The following MALRD1 variants were observed in gnomAD, a reference collection of about 807,000 sequenced individuals.
MALRD1 encodes MAM and LDL-receptor class A domain-containing protein 1.
A neutral mutation model predicts 242.1 loss-of-function variants in MALRD1; 247 were observed. The ratio of observed to expected loss-of-function variants is 1.02; its 90% CI spans 0.92 to 1.13. The LOEUF (loss-of-function observed/expected upper bound fraction) is 1.13, where lower values mean the gene tolerates loss of function less well. MALRD1 is among the 50% of genes most tolerant of loss of function. The probability of loss-of-function intolerance (pLI) is 0.00; values close to 1 mark genes in which losing one functional copy is unlikely to be tolerated. For synonymous variants in MALRD1, 995 were observed against 866.6 expected, an observed-to-expected ratio of 1.15 and a Z score of -2.60; for missense variants, 2,989 against 2,533.1, an observed-to-expected ratio of 1.18 and a Z score of -3.86.
chr10:19,681,881 CAG>C (rs1240889135), intron 36 of MALRD1, among the ~76,000 whole-genome samples: 2 of 128,294 alleles, frequency 1.6e-5, no homozygotes, highest in African/African-American at 6.0e-5. Flanking sequence ...TTTTTTGAGA[CAG>C]AGTCTTGCTG....
chr10:19,273,352 A>G (rs995462563), intron 19 of MALRD1, among the ~76,000 whole-genome samples: 1 of 152,222 alleles, frequency 6.6e-6, no homozygotes, highest in African/African-American at 2.4e-5. Context: ...AGAATTAAAC[A>G]TAGTCTTACC....
At chr10:19,177,895 T>G (rs977446155) in intron 14 of MALRD1, among the ~76,000 whole-genome samples, 2 of 152,090 alleles carry the variant, frequency 1.3e-5, no homozygotes, top group Non-Finnish European at 1.5e-5. Context: ...GAGGATCTTG[T>G]GACCTAATTT....
At chr10:19,230,782 A>G (rs1838019052) in intron 18 of MALRD1, among the ~76,000 whole-genome samples, 1 of 152,210 alleles carries the variant, frequency 6.6e-6, no homozygotes, top group African/African-American at 2.4e-5. Context: ...GGTTCTTAAA[A>G]GCAAATAAAC....
At chr10:19,638,069 GTA>G (rs1840220884) in intron 36 of MALRD1, among the ~76,000 whole-genome samples, 1 of 121,928 alleles carries the variant, frequency 8.2e-6, no homozygotes, top group Non-Finnish European at 1.6e-5. Context: ...CCACTGCACT[GTA>G]GCCTGGGCAA....
rs138580002 is a variant in MALRD1, at chr10:19,188,035, A to G, written c.1951+12707A>G. 1.5e-4 allele frequency among the ~76,000 whole-genome samples: 23 copies of G among 152,342 alleles called. No individual in the cohort carries two copies. In the East Asian group the frequency reaches 4.2e-3, roughly 28 times the overall value. On this transcript the variant is annotated intron_variant, in intron 14 of 39. Coordinates refer to ENST00000454679, the MANE Select transcript of MALRD1 (RefSeq NM_001142308.3). ...GAATCCTGTCATTCACAGTTTTTAA[A>G]TTATGTGCATCCAAGGTTGAGGACC... is the stretch of plus-strand genomic sequence containing the variant.
At chr10:19,248,369 A>C (rs1839155618) in intron 18 of MALRD1, among the ~76,000 whole-genome samples, 1 of 150,866 alleles carries the variant, frequency 6.6e-6, no homozygotes, top group Admixed American at 6.8e-5. Flanking sequence ...AGTCAGTTAC[A>C]TAATGAATAT....
At chr10:19,508,675 A>G (rs1042033078) in intron 31 of MALRD1, among the ~76,000 whole-genome samples, 5 of 152,246 alleles carry the variant, frequency 3.3e-5, no homozygotes, top group Non-Finnish European at 7.3e-5. Context: ...TATATTGATT[A>G]TATGTTGAAA....
chr10:19,590,425 A>G (rs1837711446), intron 33 of MALRD1, among the ~76,000 whole-genome samples: 1 of 149,232 alleles, frequency 6.7e-6, no homozygotes, highest in Non-Finnish European at 1.5e-5. Context: ...GTGGTTAGAT[A>G]TCTATCTATA....
At chr10:19,151,317 AG>A (rs1833936627) in intron 11 of MALRD1, among the ~76,000 whole-genome samples, 2 of 152,100 alleles carry the variant, frequency 1.3e-5, no homozygotes, top group Non-Finnish European at 2.9e-5. Flanking sequence ...TTACTTTTAA[AG>A]AACTTCTGAT....
At chr10:19,052,814 C>G (rs1834549115) in intron 1 of MALRD1, among the ~76,000 whole-genome samples, 1 of 152,160 alleles carries the variant, frequency 6.6e-6, no homozygotes, top group Admixed American at 6.5e-5. Context: ...CCCTCTACTC[C>G]CCTCTGAGAT....
At chr10:19,544,107 T>C (rs181586436) in intron 32 of MALRD1, among the ~76,000 whole-genome samples, 1 of 151,376 alleles carries the variant, frequency 6.6e-6, no homozygotes, top group Admixed American at 6.5e-5. Context: ...TTCATTGTCA[T>C]ATAGATCTTT....
At chr10:19,280,891 C>A (rs540278719) in intron 20 of MALRD1, among the ~76,000 whole-genome samples, 1 of 152,294 alleles carries the variant, frequency 6.6e-6, no homozygotes, top group South Asian at 2.1e-4. Flanking sequence ...TTTGAAATAT[C>A]TTTCCCTTCC....
rs1554833681 is a variant in MALRD1, at chr10:19,329,412, A to AT, written c.3687+1739_3687+1740insT. ...GGAAGCTTGTATAATTTTATTTGGG[A>AT]CCCCCCCCCAATTTAAACAAAATAT... On this transcript the variant is annotated intron_variant, in intron 23 of 39. Coordinates refer to ENST00000454679, the MANE Select transcript of MALRD1 (RefSeq NM_001142308.3). Among the ~76,000 whole-genome samples the AT allele has an allele frequency of 4.6e-3, 412 of 89,330 alleles. 2 individuals carry two copies. The highest frequency in any genetic ancestry group is 7.3e-3 in the Non-Finnish European group (307 of 42,160). 58.6% of individuals were successfully genotyped at this position (89,330 alleles called of 152,430 possible).
intron 24 of MALRD1, among the ~76,000 whole-genome samples, chr10:19,333,854 T>C (rs1371995732): frequency 6.6e-6 from 1 of 152,148 alleles, no homozygotes; most frequent in African/African-American, 2.4e-5. Flanking sequence ...TAGTGTAAGA[T>C]GGTATCTCAC....
chr10:19,396,015 A>G (rs1229876767), intron 28 of MALRD1, among the ~76,000 whole-genome samples: 1 of 152,144 alleles, frequency 6.6e-6, no homozygotes, highest in Non-Finnish European at 1.5e-5. Context: ...GCTCTAAAGA[A>G]TGACATTATC....
chr10:19,146,189 G>C lies in MALRD1; in HGVS notation c.1412-9G>C. Reference sequence around the variant, plus strand: ...TCTCCTCACCTGTTTTCTCTTCTACGTGTAACAGCAAAGCATCTCACCTGT... The same window carrying C: ...TCTCCTCACCTGTTTTCTCTTCTACCTGTAACAGCAAAGCATCTCACCTGT... On this transcript the variant is annotated splice_polypyrimidine_tract_variant and intron_variant, in intron 10 of 39. Coordinates refer to ENST00000454679, the MANE Select transcript of MALRD1 (RefSeq NM_001142308.3). The C allele has an allele frequency of 3.2e-6, 4 of 1,231,464 alleles. No individual in the cohort carries two copies. Among genetic ancestry groups the C allele is most frequent in the Middle Eastern group, 3.1e-4 (1 of 3,210 alleles). 76.3% of individuals were successfully genotyped at this position (1,231,464 alleles called of 1,614,324 possible).
intron 29 of MALRD1, among the ~76,000 whole-genome samples, chr10:19,467,914 C>G (rs1194375723): frequency 6.6e-6 from 1 of 152,010 alleles, no homozygotes; most frequent in African/African-American, 2.4e-5. Flanking sequence ...CTGCTTCAGC[C>G]TCCCGAGCAG....
chr10:19,467,548 G>T (rs12259974), intron 29 of MALRD1, among the ~76,000 whole-genome samples: 69,870 of 151,204 alleles, frequency 0.46, 16,598 homozygotes, highest in African/African-American at 0.56. Context: ...GATACCAGGG[G>T]TTGGCTGGGA....
intron 33 of MALRD1, among the ~76,000 whole-genome samples, chr10:19,579,500 G>A (rs954576863): frequency 8.5e-5 from 13 of 152,258 alleles, no homozygotes; most frequent in African/African-American, 2.9e-4. Flanking sequence ...ATCTGATTAT[G>A]TTTTGGTACC....
Sources: allele counts gnomAD v4.1 joint callset (sites outside exome capture counted in the v4.1 genomes callset), GRCh38; gene constraint gnomAD v4.1.1; transcripts MANE v1.5; gene names NCBI Gene and HGNC (gene_info 2026-07-23, HGNC 2026-07-21).